The following SPRING1 variants were observed in gnomAD, a reference collection of about 807,000 sequenced individuals.
SPRING1 encodes the protein SREBF pathway regulator in golgi 1, also known as SREBP regulating gene protein.
Under a neutral mutation model 24.7 loss-of-function variants are expected in SPRING1, and 14 were observed. The ratio of observed to expected loss-of-function variants is 0.57; its 90% confidence interval spans 0.37 to 0.88. The LOEUF (loss-of-function observed/expected upper bound fraction) is 0.88. Among genes scored for constraint, SPRING1 ranks in the 40% least tolerant of loss-of-function variants. The probability of loss-of-function intolerance (pLI) is 0.00; values close to 1 mark genes in which losing one functional copy is unlikely to be tolerated. For missense variants in SPRING1, 255 were observed against 268.4 expected (o/e 0.95, Z 0.35); for synonymous variants, 93 against 106.1 (o/e 0.88, Z 0.76).
At chr12:116,722,878 G>C (rs981063013) in intron 2 of SPRING1, among the ~76,000 whole-genome samples, 189 bp downstream of exon 2, 10 of 152,222 alleles carry the variant, frequency 6.6e-5, no homozygotes, top group African/African-American at 2.2e-4. Context: ...ATCAAAACAA[G>C]CTTCTCTGAT....
intron 4 of SPRING1, among the ~76,000 whole-genome samples, chr12:116,719,196 T>A (rs1870300512): frequency 6.6e-6 from 1 of 152,228 alleles, no homozygotes; most frequent in Admixed American, 6.5e-5. Flanking sequence ...GACTTTCAGA[T>A]GCTTTCAGCA....
chr12:116,736,626 T>A (rs1328392656), intron 1 of SPRING1, among the ~76,000 whole-genome samples: 1 of 152,190 alleles, frequency 6.6e-6, no homozygotes, highest in Non-Finnish European at 1.5e-5. Flanking sequence ...GAGCTTTTTA[T>A]AACCATGTCA....
chr12:116,714,305 G>A lies in SPRING1; in HGVS notation c.*3505C>T, dbSNP rs1870009021. 2 of 152,186 alleles carry A rather than the reference G, an allele frequency of 1.3e-5. No homozygotes were observed. The highest frequency in any genetic ancestry group is 1.3e-4 in the Admixed American group (2 of 15,274). 9.4% of individuals were successfully genotyped at this position (152,186 alleles called of 1,614,324 possible). On this transcript the variant is annotated 3_prime_UTR_variant, in exon 5 of 5. Transcript: ENST00000261318. Reference sequence around the variant, plus strand: ...TCCCTGTGTTTACAACTTATCTGCTGATCCCAAGGATGGGAAAAGCTGCAC... The same window carrying A: ...TCCCTGTGTTTACAACTTATCTGCTAATCCCAAGGATGGGAAAAGCTGCAC...
In SPRING1 at chr12:116,737,929, G is replaced by C; in HGVS notation, c.-29C>G. 6.8e-7 allele frequency: 1 copy of C among 1,464,540 alleles called. No homozygotes were observed. The highest frequency in any genetic ancestry group is 9.0e-7 in the Non-Finnish European group (1 of 1,108,182). 90.7% of individuals were successfully genotyped at this position (1,464,540 alleles called of 1,614,324 possible). On this transcript the variant is annotated 5_prime_UTR_variant, in exon 1 of 5. Transcript: ENST00000261318. ...GGCGCGGACGTGGGGCGCGGCGGCC[G>C]GGGCGCGGAACGCGGCAGGCCCGGG...
chr12:116,737,575 G>A (rs1350991144), intron 1 of SPRING1, among the ~76,000 whole-genome samples: 1 of 146,572 alleles, frequency 6.8e-6, no homozygotes, highest in Non-Finnish European at 1.5e-5. Context: ...GCAGGGAGAG[G>A]GGAAGGAAGG....
chr12:116,720,011 G>A lies in SPRING1; in HGVS notation c.421-135C>T. On this transcript the variant is annotated intron_variant, in intron 3 of 4. Transcript: ENST00000261318. This position sits in a 1 kb window ranked among gnomAD's most constrained non-coding sequence, Gnocchi z 4.0. ...GGAGGAGAAAAGGAGGGAGGGGAAA[G>A]GACACACGCGTGCACACACGTGCAT... is the stretch of plus-strand genomic sequence containing the variant. The A allele has an allele frequency of 1.2e-6, 1 of 801,086 alleles. No individual in the cohort carries two copies. The highest frequency in any genetic ancestry group is 2.0e-6 in the Non-Finnish European group (1 of 493,522). The allele number at this position is 801,086 out of a possible 1,614,324, so 49.6% of individuals were successfully genotyped here. A position where few individuals can be genotyped will look rare whatever the true frequency, so the allele number is the denominator to read the frequency against.
Position 116,728,707 on chromosome 12 carries a change from C to T in SPRING1, c.112-5484G>A, listed in dbSNP as rs1411268482. Among the ~76,000 whole-genome samples, 1 of 152,236 alleles carries T rather than the reference C, an allele frequency of 6.6e-6. No homozygotes were observed. The highest frequency in any genetic ancestry group is 1.5e-5 in the Non-Finnish European group (1 of 68,046). ...TAGCGTCTTCTCCATCAACGGTACA[C>T]ACCCTGGACCCGTACACTCCATCTC... On this transcript the variant is annotated intron_variant, in intron 1 of 4. Coordinates refer to ENST00000261318, the MANE Select transcript of SPRING1 (RefSeq NM_024738.4). The surrounding 1 kb of genome is among the most constrained non-coding windows in gnomAD (Gnocchi z 4.2).
chr12:116,710,906 G>A lies in SPRING1; in HGVS notation c.*6904C>T, dbSNP rs1314556727. On this transcript the variant is annotated 3_prime_UTR_variant, in exon 5 of 5. Coordinates refer to ENST00000261318, the MANE Select transcript of SPRING1 (RefSeq NM_024738.4). ...CCATCACCCTTAATTGACAAATGAG[G>A]AAACCAAAGCCGGAGAGGGTAATTT... 6.6e-6 allele frequency: 1 copy of A among 152,042 alleles called. No individual in the cohort carries two copies. The highest frequency in any genetic ancestry group is 2.4e-5 in the African/African-American group (1 of 41,392). 9.4% of individuals were successfully genotyped at this position (152,042 alleles called of 1,614,324 possible).
Position 116,737,985 on chromosome 12 carries a change from C to T in SPRING1, c.-85G>A, listed in dbSNP as rs1455299356. ...GGCGGCATGGCCCCTACGCGCCCGG[C>T]AGCCCCATCCCTCCAGGCAGGCGCC... On this transcript the variant is annotated 5_prime_UTR_variant, in exon 1 of 5. Coordinates refer to ENST00000261318, the MANE Select transcript of SPRING1 (RefSeq NM_024738.4). 1 of 1,192,240 alleles carries T rather than the reference C, an allele frequency of 8.4e-7. No homozygotes were observed. 73.9% of individuals were successfully genotyped at this position (1,192,240 alleles called of 1,614,324 possible). A position where few individuals can be genotyped will look rare whatever the true frequency, so the allele number is the denominator to read the frequency against.
chr12:116,726,425 C>T (rs1467720190), intron 1 of SPRING1, among the ~76,000 whole-genome samples: 3 of 152,106 alleles, frequency 2.0e-5, no homozygotes, highest in African/African-American at 2.4e-5. Context: ...TTTAATTTAC[C>T]GTCTTTCAAG....
In SPRING1 at chr12:116,717,851, A is replaced by G; in HGVS notation, c.577T>C (p.Tyr193His). The G allele has an allele frequency of 6.2e-7, 1 of 1,608,404 alleles. No individual in the cohort carries two copies. The highest frequency in any genetic ancestry group is 8.5e-7 in the Non-Finnish European group (1 of 1,177,450). ...ENTYRDPIAK[Y>H]CYGESPPELF... Reference sequence around the variant, plus strand: ...TCGGGCGGGCTTTCTCCATAGCAATACTTTGCTATGGGGTCCCGGTAGGTG... The same window carrying G: ...TCGGGCGGGCTTTCTCCATAGCAATGCTTTGCTATGGGGTCCCGGTAGGTG... The change falls in exon 5 of 5, where the codon TAT (tyrosine) becomes CAT (histidine). Residue 193 changes from tyrosine (Y) to histidine (H), a missense_variant. By Grantham distance (83) the Tyr-to-His change is moderately conservative (BLOSUM62 2). Transcript: ENST00000261318. The surrounding 1 kb of genome is among the most constrained non-coding windows in gnomAD (Gnocchi z 4.2).
In SPRING1 at chr12:116,712,658, C is replaced by T. The variant is rs1869924605; in HGVS notation, c.*5152G>A. On this transcript the variant is annotated 3_prime_UTR_variant, in exon 5 of 5. Coordinates refer to ENST00000261318, the MANE Select transcript of SPRING1 (RefSeq NM_024738.4). ...TAAACAGAACCTGTAATGACAGGCT[C>T]ACATTTCTTCCTCAACTCCCACCTC... 3 of 152,320 alleles carry T rather than the reference C, an allele frequency of 2.0e-5. No individual in the cohort carries two copies. The highest frequency in any genetic ancestry group is 1.3e-4 in the Admixed American group (2 of 15,296). The allele number at this position is 152,320 out of a possible 1,614,324, so 9.4% of individuals were successfully genotyped here. A position where few individuals can be genotyped will look rare whatever the true frequency, so the allele number is the denominator to read the frequency against.
chr12:116,731,212 G>A (rs1250311819), intron 1 of SPRING1, among the ~76,000 whole-genome samples: 1 of 152,208 alleles, frequency 6.6e-6, no homozygotes, highest in African/African-American at 2.4e-5. Context: ...GTATGGCCGT[G>A]AAGAATACGA....
rs373209041 is a variant in SPRING1, at chr12:116,712,541, C to T, written c.*5269G>A. 3.3e-5 allele frequency: 5 copies of T among 152,088 alleles called. No homozygotes were observed. The highest frequency in any genetic ancestry group is 1.9e-4 in the East Asian group (1 of 5,198). 9.4% of individuals were successfully genotyped at this position (152,088 alleles called of 1,614,324 possible). A position where few individuals can be genotyped will look rare whatever the true frequency, so the allele number is the denominator to read the frequency against. On this transcript the variant is annotated 3_prime_UTR_variant, in exon 5 of 5. Transcript: ENST00000261318. ...GAACGATAGACTAACAGGCCAGAGGCGGGGAAAGCTTCTCGGAGTCCCACT... is the reference window on the plus strand; with the variant it reads ...GAACGATAGACTAACAGGCCAGAGGTGGGGAAAGCTTCTCGGAGTCCCACT...
chr12:116,736,515 C>T (rs1483199003), intron 1 of SPRING1, among the ~76,000 whole-genome samples: 1 of 152,226 alleles, frequency 6.6e-6, no homozygotes, highest in Non-Finnish European at 1.5e-5. Flanking sequence ...TTCACAGCTC[C>T]CCTGCCAATC....
In SPRING1 at chr12:116,715,550, A is replaced by C. The variant is rs1477016642; in HGVS notation, c.*2260T>G. 1.3e-5 allele frequency: 2 copies of C among 152,280 alleles called. No individual in the cohort carries two copies. The highest frequency in any genetic ancestry group is 4.8e-5 in the African/African-American group (2 of 41,464). 9.4% of individuals were successfully genotyped at this position (152,280 alleles called of 1,614,324 possible). A position where few individuals can be genotyped will look rare whatever the true frequency, so the allele number is the denominator to read the frequency against. On this transcript the variant is annotated 3_prime_UTR_variant, in exon 5 of 5. Transcript: ENST00000261318. ...AATACAAAAAACATATTCCACAGCC[A>C]AATGAAAATGACTTTTGGATCCTCC...
rs1463544612 is a variant in SPRING1 at position 116,731,366 on chromosome 12, T to C, written c.111+6424A>G. Among the ~76,000 whole-genome samples, 19 of 152,190 alleles carry C rather than the reference T, an allele frequency of 1.2e-4. 1 individual carries two copies. The stretch of plus-strand genomic sequence containing the variant: ...TTTGTCGTTATTCTGAAAAGAATTC[T>C]GGCCTTGCAGATCCCCTGACAGAGT... On this transcript the variant is annotated intron_variant, in intron 1 of 4. Transcript: ENST00000261318.
intron 1 of SPRING1, among the ~76,000 whole-genome samples, chr12:116,730,025 C>T (rs1174183658): frequency 6.6e-6 from 1 of 152,088 alleles, no homozygotes; most frequent in East Asian, 1.9e-4. Context: ...CTCAGCCTCC[C>T]GAGTAGCTGG....
intron 1 of SPRING1, among the ~76,000 whole-genome samples, chr12:116,726,097 T>G (rs980320757): frequency 6.6e-6 from 1 of 152,204 alleles, no homozygotes; most frequent in South Asian, 2.1e-4. Context: ...ACTAATTGGA[T>G]AGTAAAACAT....
Sources: gnomAD v4.1 joint callset for allele counts (sites outside exome capture counted in the v4.1 genomes callset) on GRCh38, gnomAD v4.1.1 for gene constraint, Gnocchi (gnomAD v3.1) non-coding constraint, MANE v1.5 for transcripts, NCBI Gene and HGNC (gene_info 2026-07-23, HGNC 2026-07-21) for gene names.